The following ZFHX2 variants were observed in gnomAD, a reference collection of about 807,000 sequenced individuals.
ZFHX2 encodes zinc finger homeobox 2.
ZFHX2 carries 75 observed loss-of-function variants against 164.8 expected under a neutral mutation model. The ratio of observed to expected loss-of-function variants is 0.46; its 90% CI spans 0.38 to 0.55. The LOEUF is 0.55. Ranked by LOEUF, ZFHX2 falls within the 20% of genes least tolerant of loss-of-function variation. The probability of loss-of-function intolerance (pLI) is 0.00; values close to 1 mark genes in which losing one functional copy is unlikely to be tolerated. For synonymous variants in ZFHX2, 1,217 were observed against 1,351.4 expected, an observed-to-expected ratio of 0.90 and a Z score of 2.18; for missense variants, 2,933 against 3,308.0, an observed-to-expected ratio of 0.89 and a Z score of 2.78.
chr14:23,522,015 G>A lies in ZFHX2; in HGVS notation c.7666C>T (p.His2556Tyr). The A allele has an allele frequency of 1.3e-6, 2 of 1,536,418 alleles. No individual in the cohort carries two copies. Among genetic ancestry groups the A allele is most frequent in the Non-Finnish European group, 1.7e-6 (2 of 1,146,924 alleles). ...GTAGTTTTTGGGTTGGAGTCCGTGT[G>A]AGGTAATCTTGCTTCCTCTTTGGCA... Reference protein sequence around the residue: ...AFAKEEARLPHTDSNPKTTTT... With the variant: ...AFAKEEARLPYTDSNPKTTTT... The change falls in exon 10 of 10, where the codon CAC becomes TAC. Residue 2556 changes from histidine (H) to tyrosine (Y), a missense_variant. Transcript: ENST00000419474.
intron 6 of ZFHX2, chr14:23,529,473 C>G (rs545028902): frequency 3.8e-6 from 2 of 527,636 alleles, no homozygotes; most frequent in African/African-American, 3.8e-5. Context: ...TCATCTTTCC[C>G]TCAAGTTCCT....
intron 1 of ZFHX2, among the ~76,000 whole-genome samples, chr14:23,540,759 C>A (rs1880709552): frequency 6.6e-6 from 1 of 152,140 alleles, no homozygotes; most frequent in African/African-American, 2.4e-5. Flanking sequence ...GTTGTGAAGA[C>A]CAGATAGGTA....
chr14:23,532,438 C>T, intron 3 of ZFHX2, 129 bp downstream of exon 3: 1 of 1,155,210 alleles, frequency 8.7e-7, no homozygotes, highest in Non-Finnish European at 1.2e-6. Context: ...TATGTCATTA[C>T]CTGGTGCATA....
In ZFHX2 at chr14:23,534,192, C is replaced by A. The variant is rs1403080147; in HGVS notation, c.1134G>T (p.Gly378=). Residue 378 remains glycine, a synonymous_variant, in exon 2 of 10, where the codon GGG becomes GGT. Transcript: ENST00000419474. The surrounding 1 kb of genome is among the most constrained non-coding windows in gnomAD (Gnocchi z 4.5). ...GGCAGAGCCCTCCATCCTCTTCTTG[C>A]CCCTCAGGGAACCAATCTGGCCCTG... ...GEAGPDWFPE[G]QEEDGGLCPP... 2.0e-6 allele frequency: 3 copies of A among 1,480,954 alleles called. No homozygotes were observed. In the South Asian group the frequency reaches 4.0e-5, roughly 20 times the overall value. 91.7% of individuals were successfully genotyped at this position (1,480,954 alleles called of 1,614,324 possible).
chr14:23,549,985 G>A (rs1480693097), intron 1 of ZFHX2, among the ~76,000 whole-genome samples: 1 of 152,154 alleles, frequency 6.6e-6, no homozygotes, highest in Non-Finnish European at 1.5e-5. Context: ...CAGAGCTCAT[G>A]GGAAACAGAT....
Position 23,531,642 on chromosome 14 carries a change from G to A in ZFHX2, c.2639C>T (p.Pro880Leu). The A allele has an allele frequency of 2.0e-6, 3 of 1,517,724 alleles. No homozygotes were observed. Among genetic ancestry groups the A allele is most frequent in the Non-Finnish European group, 2.6e-6 (3 of 1,135,584 alleles). The allele number at this position is 1,517,724 out of a possible 1,614,324, so 94.0% of individuals were successfully genotyped here. Residue 880 changes from proline (P) to leucine (L), a missense_variant, in exon 4 of 10, where the codon CCC (proline) becomes CTC (leucine). By Grantham distance (98) the Pro-to-Leu change is moderately conservative (BLOSUM62 -3). Coordinates refer to ENST00000419474, the MANE Select transcript of ZFHX2 (RefSeq NM_033400.3). The part of the protein sequence containing the change: ...YHCLLCAWET[P>L]SRLAVLQHLR... ...GTGTTGCAGCACAGCCAAGCGGGAG[G>A]GTGTCTCCCACGCACACAACAGGCA... is the stretch of plus-strand genomic sequence containing the variant.
At chr14:23,529,119 C>T (rs1399387757) in intron 6 of ZFHX2, among the ~76,000 whole-genome samples, 2 of 152,232 alleles carry the variant, frequency 1.3e-5, no homozygotes, top group Admixed American at 6.5e-5. Flanking sequence ...AGCTGTGAGG[C>T]ACAGGATGGC....
At position 23,525,955 on chromosome 14, in the gene ZFHX2, G is replaced by A; in HGVS notation, c.3987C>T (p.Pro1329=). 5 of 1,499,068 alleles carry A rather than the reference G, an allele frequency of 3.3e-6. No individual in the cohort carries two copies. Among genetic ancestry groups the A allele is most frequent in the Non-Finnish European group, 4.4e-6 (5 of 1,127,890 alleles). 92.9% of individuals were successfully genotyped at this position (1,499,068 alleles called of 1,614,324 possible). A position where few individuals can be genotyped will look rare whatever the true frequency, so the allele number is the denominator to read the frequency against. The part of the protein sequence containing the change: ...GLPFLSPPPP[P]LDLHRFPAPL... ...GGGCTGGGAATCGGTGCAGGTCCAA[G>A]GGAGGTGGGGGAGGGGACAGGAAAG... Residue 1329 remains proline, a synonymous_variant, in exon 9 of 10, where the codon CCC becomes CCT. Transcript: ENST00000419474. The surrounding 1 kb of genome is among the most constrained non-coding windows in gnomAD (Gnocchi z 5.9).
In ZFHX2 at chr14:23,533,655, G is replaced by A. The variant is rs1238816970; in HGVS notation, c.1671C>T (p.Ser557=). The A allele has an allele frequency of 1.0e-5, 16 of 1,537,100 alleles. No homozygotes were observed. The highest frequency in any genetic ancestry group is 2.4e-5 in the East Asian group (1 of 40,936). ...TGGTCTTAGGCTCTTTGTCTCCCGC[G>A]GAGGGTGGGAGTGATGCCTCTGGTG... The part of the protein sequence containing the change: ...GSPPEASLPP[S]AGDKEPKTKS... The change falls in exon 2 of 10, where the codon TCC becomes TCT. Residue 557 remains serine, a synonymous_variant. Transcript: ENST00000419474. The surrounding 1 kb of genome is among the most constrained non-coding windows in gnomAD (Gnocchi z 4.8).
chr14:23,527,023 T>C (rs1430126795), intron 7 of ZFHX2, 50 bp from the exon 8 acceptor site: 2 of 1,461,354 alleles, frequency 1.4e-6, no homozygotes, highest in Non-Finnish European at 1.8e-6. Flanking sequence ...CCACTGCCCC[T>C]ATGCCACTCC....
At chr14:23,527,454 G>A (rs540801494) in intron 7 of ZFHX2, 150 bp downstream of exon 7, 30 of 1,041,890 alleles carry the variant, frequency 2.9e-5, no homozygotes, top group East Asian at 1.0e-4. Flanking sequence ...AGGCCTTGTC[G>A]GACCGTCCTC....
intron 1 of ZFHX2, among the ~76,000 whole-genome samples, chr14:23,547,792 T>G (rs1881543363): frequency 6.6e-6 from 1 of 152,230 alleles, no homozygotes; most frequent in Admixed American, 6.5e-5. Context: ...ATTCAACGTT[T>G]GATCAGTAGA....
intron 6 of ZFHX2, chr14:23,529,294 ATCCAGGC>A (rs1879211607): frequency 4.8e-6 from 1 of 207,152 alleles, no homozygotes; most frequent in Admixed American, 5.4e-5. Context: ...GGACAGTTCC[ATCCAGGC>A]TCAGGGCGTT....
chr14:23,531,370 C>T lies in ZFHX2; in HGVS notation c.2800+111G>A, dbSNP rs993386381. ...GCTTCTTCCCATTTAGTATAGGTGG[C>T]CTACAGGCCCTCTTCGCCTTCCTTG... On this transcript the variant is annotated intron_variant, in intron 4 of 9. Coordinates refer to ENST00000419474, the MANE Select transcript of ZFHX2 (RefSeq NM_033400.3). The T allele has an allele frequency of 2.7e-5, 35 of 1,311,604 alleles. No homozygotes were observed. The Admixed American group carries it at 2.7e-4, about 10-fold the overall frequency. 81.2% of individuals were successfully genotyped at this position (1,311,604 alleles called of 1,614,324 possible). A position where few individuals can be genotyped will look rare whatever the true frequency, so the allele number is the denominator to read the frequency against.
In ZFHX2 at chr14:23,535,264, G is replaced by A. The variant is rs1291957712; in HGVS notation, c.62C>T (p.Pro21Leu). ...GTTPSPGHNA[P>L]SLPSDTFSSS... ...GGAGAAGGTGTCCGAAGGCAGGGAC[G>A]GGGCATTGTGCCCAGGGGAGGGGGT... is the stretch of plus-strand genomic sequence containing the variant. Residue 21 changes from proline to leucine, a missense_variant, in exon 2 of 10, where the codon CCG (proline) becomes CTG (leucine). Transcript: ENST00000419474. This position sits in a 1 kb window ranked among gnomAD's most constrained non-coding sequence, Gnocchi z 4.5. 5.3e-6 allele frequency: 8 copies of A among 1,501,374 alleles called. No homozygotes were observed. The highest frequency in any genetic ancestry group is 2.5e-5 in the East Asian group (1 of 40,374). The allele number at this position is 1,501,374 out of a possible 1,614,324, so 93.0% of individuals were successfully genotyped here.
intron 1 of ZFHX2, among the ~76,000 whole-genome samples, chr14:23,541,576 C>G (rs1384083191): frequency 3.3e-5 from 5 of 152,118 alleles, no homozygotes; most frequent in African/African-American, 1.2e-4. Context: ...CCTGAGCCAC[C>G]ACACCCGGCC....
chr14:23,554,983 C>G (rs533965905), upstream of ZFHX2, among the ~76,000 whole-genome samples: 1 of 152,140 alleles, frequency 6.6e-6, no homozygotes, highest in South Asian at 2.1e-4. Context: ...CCCATGTTTT[C>G]CTGAATTTTA....
chr14:23,541,824 A>G (rs1454760329), intron 1 of ZFHX2, among the ~76,000 whole-genome samples: 2 of 65,510 alleles, frequency 3.1e-5, no homozygotes, highest in African/African-American at 1.2e-4. Flanking sequence ...CTATCATTCT[A>G]TCATCTCTAA....
chr14:23,533,919 A>G lies in ZFHX2; in HGVS notation c.1407T>C (p.Asp469=). 6.5e-7 allele frequency: 1 copy of G among 1,538,126 alleles called. No individual in the cohort carries two copies. The highest frequency in any genetic ancestry group is 1.4e-5 in the African/African-American group (1 of 73,178). Residue 469 remains aspartate, a synonymous_variant, in exon 2 of 10, where the codon GAT becomes GAC. Transcript: ENST00000419474. This position sits in a 1 kb window ranked among gnomAD's most constrained non-coding sequence, Gnocchi z 4.8. ...CAGGGTGCTTCTCTCGCATGTGCAC[A>G]TCCAGGGTCTGCTGGTACTTGTAGT... ...NWHYKYQQTL[D]VHMREKHPES...
Sources: gnomAD v4.1 joint callset for allele counts (sites outside exome capture counted in the v4.1 genomes callset) on GRCh38, gnomAD v4.1.1 for gene constraint, Gnocchi (gnomAD v3.1) non-coding constraint, MANE v1.5 for transcripts, NCBI Gene and HGNC (gene_info 2026-07-23, HGNC 2026-07-21) for gene names.